Variants in LAMC2 observed in about 807,000 individuals in gnomAD.
LAMC2 encodes the protein laminin subunit gamma-2.
LAMC2 carries 97 observed loss-of-function variants against 140.2 expected under a neutral mutation model. That is an observed-to-expected ratio of 0.69 (90% CI 0.59 to 0.82). The LOEUF (loss-of-function observed/expected upper bound fraction) is 0.82. Ranked by LOEUF, LAMC2 falls within the 40% of genes least tolerant of loss-of-function variation. LAMC2 has a pLI of 0.00. For synonymous variants in LAMC2, 513 were observed against 540.2 expected, an observed-to-expected ratio of 0.95 and a Z score of 0.70; for missense variants, 1,402 against 1,476.1, an observed-to-expected ratio of 0.95 and a Z score of 0.82.
At chr1:183,213,894 C>T (rs10911280) in intron 2 of LAMC2, among the ~76,000 whole-genome samples, 5,313 of 151,868 alleles carry the variant, frequency 0.035, 338 homozygotes, top group African/African-American at 0.12. Flanking sequence ...GGAGAAACCC[C>T]GTCTCTACTA....
chr1:183,253,215 A>G, the LAMC2 span, among the ~76,000 whole-genome samples: 2 of 148,508 alleles, frequency 1.3e-5, no homozygotes, highest in Admixed American at 1.3e-4. Context: ...AATATAGTAT[A>G]TCTATGTTAT....
chr1:183,232,231 T>A lies in LAMC2; in HGVS notation c.1902T>A (p.Ile634=), dbSNP rs779229670. 1 of 1,613,992 alleles carries A rather than the reference T, an allele frequency of 6.2e-7. No homozygotes were observed. The highest frequency in any genetic ancestry group is 8.5e-7 in the Non-Finnish European group (1 of 1,179,992). Residue 634 remains isoleucine (I), a synonymous_variant, in exon 13 of 23, where the codon ATT becomes ATA. Coordinates refer to ENST00000264144, the MANE Select transcript of LAMC2 (RefSeq NM_005562.3). ...AGCTTCAGAGAATGGAGGCCCTGATTTCAAAGGCTCAGGGTGGTGATGGAG... is the reference window on the plus strand; with the variant it reads ...AGCTTCAGAGAATGGAGGCCCTGATATCAAAGGCTCAGGGTGGTGATGGAG... ...MQQLQRMEAL[I]SKAQGGDGVV...
chr1:183,213,317 G>C (rs1379813913), intron 2 of LAMC2, among the ~76,000 whole-genome samples: 4 of 152,162 alleles, frequency 2.6e-5, no homozygotes, highest in Non-Finnish European at 4.4e-5. Context: ...CTGTAAATGT[G>C]ACTCATTTAT....
At position 183,244,798 on chromosome 1, in the gene LAMC2, C is replaced by G. The variant is rs564740740; in HGVS notation, c.*1398C>G. 6.5e-6 allele frequency: 1 copy of G among 152,736 alleles called. No individual in the cohort carries two copies. The highest frequency in any genetic ancestry group is 2.4e-5 in the African/African-American group (1 of 41,572). 9.5% of individuals were successfully genotyped at this position (152,736 alleles called of 1,614,324 possible). On this transcript the variant is annotated 3_prime_UTR_variant, in exon 23 of 23. Transcript: ENST00000264144. ...CACCAGTGGGAATTGCTGGAGGAAC[C>G]AGAGGCACTTCCACCTTGGCTGGGA...
chr1:183,238,254 T>A, intron 18 of LAMC2, 53 bp from the exon 19 acceptor site: 1 of 1,305,966 alleles, frequency 7.7e-7, no homozygotes, highest in Non-Finnish European at 1.1e-6. Flanking sequence ...TCAGAGTGAT[T>A]TTGCCAGCAG....
At chr1:183,210,415 C>T (rs892038625) in intron 2 of LAMC2, among the ~76,000 whole-genome samples, 2 of 152,098 alleles carry the variant, frequency 1.3e-5, no homozygotes, top group Non-Finnish European at 2.9e-5. Flanking sequence ...AAGCACATGG[C>T]GGGCAACTCA....
chr1:183,196,641 G>C (rs1341868119), intron 1 of LAMC2, among the ~76,000 whole-genome samples: 1 of 152,284 alleles, frequency 6.6e-6, no homozygotes, highest in East Asian at 1.9e-4. Flanking sequence ...GGAGGCAACT[G>C]TTGCTATCTT....
rs1467911638 is a variant in LAMC2, at chr1:183,208,084, C to T, written c.268+15C>T. ...TAACTCCAAAGGTAGCTGAAAAGGA[C>T]GGAAAGAGGGAGAGGGAGATGGAGC... is the stretch of plus-strand genomic sequence containing the variant. On this transcript the variant is annotated intron_variant, in intron 2 of 22. Coordinates refer to ENST00000264144, the MANE Select transcript of LAMC2 (RefSeq NM_005562.3). 2.5e-6 allele frequency: 4 copies of T among 1,607,008 alleles called. No individual in the cohort carries two copies. The highest frequency in any genetic ancestry group is 2.2e-5 in the East Asian group (1 of 44,818).
intron 4 of LAMC2, among the ~76,000 whole-genome samples, chr1:183,219,864 T>G (rs1008624975): frequency 6.6e-6 from 1 of 152,206 alleles, no homozygotes. Context: ...TGGAGACAGA[T>G]GTACATGAAT....
intron 13 of LAMC2, 122 bp downstream of exon 13, chr1:183,232,465 C>A (rs1208012085): frequency 1.6e-6 from 2 of 1,247,722 alleles, no homozygotes; most frequent in Admixed American, 2.0e-5. Flanking sequence ...CCAGCCCTTG[C>A]AGAAGTGGAA....
At chr1:183,215,216 A>T (rs1455030632) in intron 2 of LAMC2, among the ~76,000 whole-genome samples, 1 of 152,216 alleles carries the variant, frequency 6.6e-6, no homozygotes, top group Non-Finnish European at 1.5e-5. Context: ...CAATCAGAGC[A>T]GACAAAGACA....
At chr1:183,234,232 T>G (rs1423617831) in intron 14 of LAMC2, 135 bp from the exon 15 acceptor site, 2 of 722,922 alleles carry the variant, frequency 2.8e-6, no homozygotes, top group African/African-American at 3.5e-5. Flanking sequence ...AGAGGCATGG[T>G]GTAAGTGTCA....
At chr1:183,253,118 C>T in the LAMC2 span, among the ~76,000 whole-genome samples, 6 of 151,786 alleles carry the variant, frequency 4.0e-5, no homozygotes, top group African/African-American at 1.5e-4. Flanking sequence ...AATGTATTCA[C>T]TATTCTTTTT....
Position 183,223,318 on chromosome 1 carries a change from C to T in LAMC2, c.947C>T (p.Thr316Ile), listed in dbSNP as rs1203855405. 2 of 1,613,992 alleles carry T rather than the reference C, an allele frequency of 1.2e-6. No individual in the cohort carries two copies. The highest frequency in any genetic ancestry group is 1.7e-6 in the Non-Finnish European group (2 of 1,179,992). Residue 316 changes from threonine (T) to isoleucine (I), a missense_variant, in exon 7 of 23, where the codon ACA (threonine) becomes ATA (isoleucine). Thr to Ile is a moderately conservative substitution (Grantham distance 89). This residue lies in a region of LAMC2 where 723 missense variants were observed against 783.3 expected (regional missense o/e 0.92). Coordinates refer to ENST00000264144, the MANE Select transcript of LAMC2 (RefSeq NM_005562.3). ...CCTTGTGGGCTCACCAAGACTTACA[C>T]ATTCAGGTAAAAAGAGAGACCATAA... is the stretch of plus-strand genomic sequence containing the variant. ...TLPCGLTKTY[T>I]FRLNEHPSNN...
intron 1 of LAMC2, among the ~76,000 whole-genome samples, chr1:183,196,223 T>C (rs10911276): frequency 0.32 from 48,180 of 151,882 alleles, 7,966 homozygotes; most frequent in East Asian, 0.43. Flanking sequence ...CTGCAACCTC[T>C]GCCTACCGGG....
intron 21 of LAMC2, 37 bp from the exon 22 acceptor site, chr1:183,240,255 A>G: frequency 1.9e-6 from 3 of 1,614,176 alleles, no homozygotes; most frequent in Non-Finnish European, 2.5e-6. Context: ...AATGGAAAAT[A>G]CCTTTTCAAG....
In LAMC2 at chr1:183,227,656, CGGA is replaced by C. The variant is rs1558093094; in HGVS notation, c.1433_1435del (p.Glu478del). 6.2e-7 allele frequency: 1 copy of C among 1,614,194 alleles called. No individual in the cohort carries two copies. Among genetic ancestry groups the C allele is most frequent in the Admixed American group, 1.7e-5 (1 of 60,014 alleles). On this transcript the variant is annotated inframe_deletion, in exon 10 of 23. Transcript: ENST00000264144. Reference sequence around the variant, plus strand: ...TTCAGCTGCTCAGTGATGCCGGAGACGGAGGAGGTGGTGTGCAATAACTGCCCT... The same window carrying C: ...TTCAGCTGCTCAGTGATGCCGGAGACGGAGGTGGTGTGCAATAACTGCCCT...
intron 3 of LAMC2, among the ~76,000 whole-genome samples, chr1:183,217,694 G>T (rs1246916810): frequency 6.6e-6 from 1 of 152,234 alleles, no homozygotes; most frequent in African/African-American, 2.4e-5. Flanking sequence ...AGGCAAGTCT[G>T]GAGAGACAGA....
At chr1:183,194,508 T>A (rs539345300) in intron 1 of LAMC2, among the ~76,000 whole-genome samples, 1 of 152,182 alleles carries the variant, frequency 6.6e-6, no homozygotes, top group East Asian at 1.9e-4. Context: ...AAAAGGAAGA[T>A]TTATTGTTTT....
Sources: allele counts gnomAD v4.1 joint callset (sites outside exome capture counted in the v4.1 genomes callset), GRCh38; gene constraint gnomAD v4.1.1; regional missense constraint gnomAD v4.1.1; transcripts MANE v1.5; gene names NCBI Gene and HGNC (gene_info 2026-07-23, HGNC 2026-07-21).